CRACD: variants seen among roughly 807,000 people sequenced by gnomAD.
The protein encoded by CRACD is capping protein inhibiting regulator of actin dynamics.
In CRACD, 56 loss-of-function variants were observed where a neutral mutation model predicts 106.8. The observed-to-expected ratio is 0.52, with a 90% CI of 0.42 to 0.66. The LOEUF (loss-of-function observed/expected upper bound fraction) is 0.66. Ranked by LOEUF, CRACD falls within the 30% of genes least tolerant of loss-of-function variation. CRACD has a pLI of 0.00. For missense variants in CRACD, 1,730 were observed against 1,623.2 expected, an observed-to-expected ratio of 1.07 and a Z score of -1.13; for synonymous variants, 754 against 670.8, an observed-to-expected ratio of 1.12 and a Z score of -1.92.
intron 1 of CRACD, among the ~76,000 whole-genome samples, chr4:56,072,802 G>A (rs116008692): frequency 0.034 from 5,214 of 151,356 alleles, 115 homozygotes; most frequent in Non-Finnish European, 0.053. Context: ...TCCCCTCCCT[G>A]TACTCATATG....
At chr4:56,091,728 G>A (rs1034206516) in intron 1 of CRACD, among the ~76,000 whole-genome samples, 4 of 152,116 alleles carry the variant, frequency 2.6e-5, no homozygotes, top group Non-Finnish European at 5.9e-5. Flanking sequence ...TTTGGTGGGC[G>A]AGTCTGGGAA....
At chr4:56,216,966 G>A (rs1425466916) in intron 2 of CRACD, among the ~76,000 whole-genome samples, 11 of 125,186 alleles carry the variant, frequency 8.8e-5, no homozygotes, top group Admixed American at 3.0e-4. Context: ...CGGCCTGGGC[G>A]ACAGAGCGAG....
At chr4:56,140,794 T>G (rs1735168547) in intron 1 of CRACD, among the ~76,000 whole-genome samples, 1 of 152,190 alleles carries the variant, frequency 6.6e-6, no homozygotes, top group South Asian at 2.1e-4. Context: ...TAATCTATTT[T>G]AACAACCACT....
chr4:56,077,571 A>G (rs888104129), intron 1 of CRACD, among the ~76,000 whole-genome samples: 1 of 152,194 alleles, frequency 6.6e-6, no homozygotes, highest in Admixed American at 6.5e-5. Flanking sequence ...CGTTATGCAA[A>G]CAAATTTCTT....
At chr4:56,176,301 C>G (rs79919434) in intron 1 of CRACD, among the ~76,000 whole-genome samples, 316 of 152,212 alleles carry the variant, frequency 2.1e-3, no homozygotes, top group Non-Finnish European at 3.8e-3. Flanking sequence ...ATTGCATTTT[C>G]TATTTCTCTG....
chr4:56,055,475 C>T (rs1732025401), intron 1 of CRACD, among the ~76,000 whole-genome samples: 2 of 152,028 alleles, frequency 1.3e-5, no homozygotes, highest in South Asian at 4.2e-4. Context: ...ATTGCCAATA[C>T]CATTTATGGT....
At chr4:56,265,964 T>C (rs1742000339) in intron 2 of CRACD, among the ~76,000 whole-genome samples, 1 of 152,172 alleles carries the variant, frequency 6.6e-6, no homozygotes, top group Admixed American at 6.6e-5. Flanking sequence ...CTAGTGATTT[T>C]TAATTTTTAG....
At position 56,314,302 on chromosome 4, in the gene CRACD, A is replaced by G; in HGVS notation, c.800A>G (p.Gln267Arg). ...AGGCTTTGGGAAGAGAACAGAAGGC[A>G]GGAGCTCTTGGAGGAGGAGGGCGAG... ...ERRLWEENRR[Q>R]ELLEEEGEGQ... The change falls in exon 8 of 11, where the codon CAG (glutamine) becomes CGG (arginine). Residue 267 changes from glutamine to arginine, a missense_variant. Around this residue, in one of 5 missense-constraint regions of CRACD, gnomAD observed 1,620 missense variants for 1,481.6 expected, o/e 1.09. Transcript: ENST00000682029. The surrounding 1 kb of genome is among the most constrained non-coding windows in gnomAD (Gnocchi z 4.4). 6.4e-7 allele frequency: 1 copy of G among 1,554,528 alleles called. No homozygotes were observed. The highest frequency in any genetic ancestry group is 8.7e-7 in the Non-Finnish European group (1 of 1,148,566).
chr4:56,294,259 A>G (rs916253984), intron 3 of CRACD, among the ~76,000 whole-genome samples: 1 of 151,970 alleles, frequency 6.6e-6, no homozygotes, highest in Admixed American at 6.5e-5. Flanking sequence ...ATGTTATTAT[A>G]ATTGATAAAT....
intron 1 of CRACD, among the ~76,000 whole-genome samples, chr4:56,068,978 T>C (rs1732549663): frequency 6.6e-6 from 1 of 152,130 alleles, no homozygotes; most frequent in South Asian, 2.1e-4. Flanking sequence ...CAGTGACTAG[T>C]GTCCCTGTGA....
At chr4:56,199,936 G>A (rs955881464) in intron 2 of CRACD, among the ~76,000 whole-genome samples, 2 of 151,694 alleles carry the variant, frequency 1.3e-5, no homozygotes, top group Admixed American at 1.3e-4. Context: ...CGATAACATA[G>A]AAATATTCTT....
intron 2 of CRACD, among the ~76,000 whole-genome samples, chr4:56,236,779 T>C (rs906040308): frequency 2.0e-5 from 3 of 150,064 alleles, no homozygotes; most frequent in African/African-American, 7.3e-5. Context: ...AAATATGCCA[T>C]GAGAAAAGTT....
At chr4:56,300,402 A>G (rs1399616044) in intron 4 of CRACD, among the ~76,000 whole-genome samples, 1 of 152,088 alleles carries the variant, frequency 6.6e-6, no homozygotes, top group African/African-American at 2.4e-5. Flanking sequence ...AAATCTTAGC[A>G]TTTCCTAACT....
rs772213953 is a variant in CRACD at position 56,315,715 on chromosome 4, A to G, written c.2213A>G (p.Gln738Arg). The G allele has an allele frequency of 6.2e-7, 1 of 1,614,228 alleles. No individual in the cohort carries two copies. The highest frequency in any genetic ancestry group is 2.2e-5 in the East Asian group (1 of 44,872). The change falls in exon 8 of 11, where the codon CAG (glutamine) becomes CGG (arginine). Residue 738 changes from glutamine to arginine, a missense_variant. Gln to Arg is a conservative substitution (Grantham distance 43). Coordinates refer to ENST00000682029, the MANE Select transcript of CRACD (RefSeq NM_001393381.1). The surrounding 1 kb of genome is among the most constrained non-coding windows in gnomAD (Gnocchi z 4.1). ...FSDGGTETSK[Q>R]STEAESIRKR... ...GATGGTGGCACGGAGACCTCCAAAC[A>G]GAGCACGGAAGCTGAAAGCATACGA...
rs748479419 is a variant in CRACD at position 56,316,539 on chromosome 4, C to T, written c.3037C>T (p.Arg1013Cys). ...CAAGGAGGACCAGGAGAGCAGTGAC[C>T]GCCGGCCACCCTCGCCCCCAGGCCC... is the stretch of plus-strand genomic sequence containing the variant. Reference protein sequence around the residue: ...PSKEDQESSDRRPPSPPGPEE... With the variant: ...PSKEDQESSDCRPPSPPGPEE... Residue 1013 changes from arginine to cysteine, a missense_variant, in exon 8 of 11, where the codon CGC becomes TGC. By Grantham distance (180) the Arg-to-Cys change is radical. Around this residue, in one of 5 missense-constraint regions of CRACD, gnomAD observed 1,620 missense variants for 1,481.6 expected, o/e 1.09. Coordinates refer to ENST00000682029, the MANE Select transcript of CRACD (RefSeq NM_001393381.1). 5.6e-6 allele frequency: 9 copies of T among 1,613,362 alleles called. No individual in the cohort carries two copies. Among genetic ancestry groups the T allele is most frequent in the Non-Finnish European group, 7.6e-6 (9 of 1,179,670 alleles).
At chr4:56,116,964 TACCAAGATGCTGGGATTACAGACATGA>T (rs981975808) in intron 1 of CRACD, among the ~76,000 whole-genome samples, 1 of 151,856 alleles carries the variant, frequency 6.6e-6, no homozygotes, top group African/African-American at 2.4e-5. Context: ...CACCTCTGCT[TACCAAGATGCTGGGATTACAGACATGA>T]GCCACCACAC....
intron 3 of CRACD, among the ~76,000 whole-genome samples, chr4:56,297,676 GC>G (rs1242924781): frequency 3.9e-5 from 6 of 152,190 alleles, no homozygotes; most frequent in South Asian, 2.1e-4. Context: ...TGTCAGAATG[GC>G]CCTAACACAA....
At chr4:56,198,064 T>G (rs1305851989) in intron 2 of CRACD, among the ~76,000 whole-genome samples, 1 of 152,180 alleles carries the variant, frequency 6.6e-6, no homozygotes, top group African/African-American at 2.4e-5. Context: ...TCTTTCCTCA[T>G]TAGAAATCAC....
At chr4:56,081,570 G>A (rs1733032153) in intron 1 of CRACD, among the ~76,000 whole-genome samples, 1 of 152,192 alleles carries the variant, frequency 6.6e-6, no homozygotes. Flanking sequence ...GGATACATTG[G>A]TAAGGGAAGA....
Sources: gnomAD v4.1 joint callset for allele counts (sites outside exome capture counted in the v4.1 genomes callset) on GRCh38, gnomAD v4.1.1 for gene constraint, gnomAD v4.1.1 regional missense constraint, Gnocchi (gnomAD v3.1) non-coding constraint, MANE v1.5 for transcripts, NCBI Gene and HGNC (gene_info 2026-07-23, HGNC 2026-07-21) for gene names.